SULT1B1: variants seen among roughly 807,000 people sequenced by gnomAD.
The protein encoded by SULT1B1 is sulfotransferase family 1B member 1.
Under a neutral mutation model 34.6 loss-of-function variants are expected in SULT1B1, and 28 were observed. That is an observed-to-expected ratio of 0.81 (90% CI 0.60 to 1.11). The LOEUF is 1.11. SULT1B1 is among the 50% of genes least tolerant of loss of function. The probability of loss-of-function intolerance (pLI) is 0.00; values close to 1 mark genes in which losing one functional copy is unlikely to be tolerated. For synonymous variants in SULT1B1, 147 were observed against 110.2 expected (o/e 1.33, Z -2.09); for missense variants, 374 against 352.2 (o/e 1.06, Z -0.50).
In SULT1B1 at chr4:69,726,078, ATAT is replaced by A. The variant is rs1717829043; in HGVS notation, c.*1007_*1009del. On this transcript the variant is annotated 3_prime_UTR_variant, in exon 8 of 8. Coordinates refer to ENST00000310613, the MANE Select transcript of SULT1B1 (RefSeq NM_014465.4). ...TATATATATATATATATATATATAT[ATAT>A]AAATGTTCCAAGAAAACATAGATCA... 1.7e-5 allele frequency: 2 copies of A among 117,074 alleles called. No homozygotes were observed. The allele number at this position is 117,074 out of a possible 1,614,324, so 7.3% of individuals were successfully genotyped here. A position where few individuals can be genotyped will look rare whatever the true frequency, so the allele number is the denominator to read the frequency against.
rs1365863680 is a variant in SULT1B1 at position 69,724,875 on chromosome 4, A to G, written c.*2213T>C. 6.6e-6 allele frequency: 1 copy of G among 152,210 alleles called. No individual in the cohort carries two copies. Among genetic ancestry groups the G allele is most frequent in the African/African-American group, 2.4e-5 (1 of 41,438 alleles). The allele number at this position is 152,210 out of a possible 1,614,324, so 9.4% of individuals were successfully genotyped here. Reference sequence around the variant, plus strand: ...CACCTTATACAAAAATTAATTCAAGATGGATTAAAGACTTAAATGTAAGAC... The same window carrying G: ...CACCTTATACAAAAATTAATTCAAGGTGGATTAAAGACTTAAATGTAAGAC... On this transcript the variant is annotated 3_prime_UTR_variant, in exon 8 of 8. Transcript: ENST00000310613.
chr4:69,757,981 T>C (rs1719254989), intron 1 of SULT1B1, among the ~76,000 whole-genome samples: 1 of 152,182 alleles, frequency 6.6e-6, no homozygotes, highest in Non-Finnish European at 1.5e-5. Context: ...GCTGAGTGAA[T>C]GGAGCATTTT....
intron 4 of SULT1B1, among the ~76,000 whole-genome samples, chr4:69,748,960 A>T (rs1303835455): frequency 6.6e-6 from 1 of 152,126 alleles, no homozygotes; most frequent in Non-Finnish European, 1.5e-5. Context: ...TAGAAAAAGA[A>T]GAGTAAAATA....
At chr4:69,751,343 T>C (rs1364429109) in intron 3 of SULT1B1, among the ~76,000 whole-genome samples, 1 of 152,254 alleles carries the variant, frequency 6.6e-6, no homozygotes, top group African/African-American at 2.4e-5. Context: ...TTCCCCTATT[T>C]TGCAATCATT....
intron 4 of SULT1B1, among the ~76,000 whole-genome samples, chr4:69,748,113 C>T (rs1191036276): frequency 6.6e-6 from 1 of 151,988 alleles, no homozygotes; most frequent in Non-Finnish European, 1.5e-5. Flanking sequence ...GAAAACAGAA[C>T]TTAGCTGTAT....
Position 69,755,104 on chromosome 4 carries a change from T to C in SULT1B1, c.114A>G (p.Pro38=), listed in dbSNP as rs529138089. The C allele has an allele frequency of 1.7e-5, 27 of 1,613,902 alleles. No homozygotes were observed. The African/African-American group carries it at 3.3e-4, about 20-fold the overall frequency. ...WEKIEQFHSR[P]DDIVIATYPK... ...GATAAGTGGCTATCACAATGTCATC[T>C]GGTCTGCTATGGAACTGTTCAATTT... The change falls in exon 2 of 8, where the codon CCA becomes CCG. Residue 38 remains proline (P), a synonymous_variant. Coordinates refer to ENST00000310613, the MANE Select transcript of SULT1B1 (RefSeq NM_014465.4).
chr4:69,730,638 T>C lies in SULT1B1; in HGVS notation c.641A>G (p.Lys214Arg), dbSNP rs899042866. 3 of 1,612,958 alleles carry C rather than the reference T, an allele frequency of 1.9e-6. No individual in the cohort carries two copies. The highest frequency in any genetic ancestry group is 2.2e-5 in the East Asian group (1 of 44,778). Residue 214 changes from lysine to arginine, a missense_variant, in exon 7 of 8, where the codon AAG becomes AGG. Physicochemically the swap from Lys to Arg is conservative, Grantham distance 26. Transcript: ENST00000310613. ...ATCCAAGATCTCATCATTCAGGTTC[T>C]TCTCTAGAAATCTAATGATCTTCTT... is the stretch of plus-strand genomic sequence containing the variant. ...EIKKIIRFLE[K>R]NLNDEILDRI...
intron 4 of SULT1B1, among the ~76,000 whole-genome samples, chr4:69,737,552 A>C (rs911622163): frequency 1.3e-5 from 2 of 152,190 alleles, no homozygotes; most frequent in African/African-American, 4.8e-5. Flanking sequence ...ACTTGGGACC[A>C]TTATGTTGAA....
At chr4:69,748,689 A>G (rs1217152939) in intron 4 of SULT1B1, among the ~76,000 whole-genome samples, 1 of 152,338 alleles carries the variant, frequency 6.6e-6, no homozygotes, top group South Asian at 2.1e-4. Context: ...ATAAAATTAG[A>G]AATCAATAAC....
intron 4 of SULT1B1, among the ~76,000 whole-genome samples, chr4:69,735,611 G>C (rs1718273406): frequency 6.6e-6 from 1 of 152,326 alleles, no homozygotes; most frequent in Non-Finnish European, 1.5e-5. Context: ...ACAAGAGTGG[G>C]AAGTCCAGGA....
intron 4 of SULT1B1, among the ~76,000 whole-genome samples, chr4:69,737,912 G>C (rs909733384): frequency 1.9e-4 from 29 of 152,040 alleles, no homozygotes; most frequent in African/African-American, 7.0e-4. Context: ...CAGATTTGTT[G>C]CATATTTGTG....
chr4:69,729,896 A>G (rs560553686), intron 7 of SULT1B1, among the ~76,000 whole-genome samples: 28 of 152,284 alleles, frequency 1.8e-4, no homozygotes, highest in African/African-American at 6.5e-4. Context: ...TATTATGTGT[A>G]ATAAGCCACA....
intron 4 of SULT1B1, among the ~76,000 whole-genome samples, chr4:69,734,855 G>A (rs1460269210): frequency 1.6e-5 from 2 of 126,770 alleles, no homozygotes; most frequent in Admixed American, 1.8e-4. Context: ...GAGACGCCCT[G>A]TCGCCCAGGC....
At chr4:69,745,988 T>G (rs1221865749) in intron 4 of SULT1B1, among the ~76,000 whole-genome samples, 1 of 152,222 alleles carries the variant, frequency 6.6e-6, no homozygotes. Context: ...GGATATGACA[T>G]TCTTGGTTGG....
rs183631290 is a variant in SULT1B1, at chr4:69,738,514, T to C, written c.376-4250A>G. On this transcript the variant is annotated intron_variant, in intron 4 of 7. Transcript: ENST00000310613. ...TCAGGTCTTCTGAGAACTCACTCAC[T>C]ATCATGAGAACATCATGGGGGAAAC... 9.6e-4 allele frequency among the ~76,000 whole-genome samples: 146 copies of C among 152,274 alleles called. 1 individual carries two copies. The highest frequency in any genetic ancestry group is 3.3e-3 in the African/African-American group (139 of 41,574).
chr4:69,723,827 C>T lies in SULT1B1; in HGVS notation c.*3261G>A, dbSNP rs1469067476. The T allele has an allele frequency of 6.6e-6, 1 of 152,176 alleles. No individual in the cohort carries two copies. Among genetic ancestry groups the T allele is most frequent in the Non-Finnish European group, 1.5e-5 (1 of 68,040 alleles). The allele number at this position is 152,176 out of a possible 1,614,324, so 9.4% of individuals were successfully genotyped here. ...AAGGCCTTTGACAAAATTCAACAGCCTTCATGCTAAAAACTCTCAATAAAT... is the reference window on the plus strand; with the variant it reads ...AAGGCCTTTGACAAAATTCAACAGCTTTCATGCTAAAAACTCTCAATAAAT... On this transcript the variant is annotated 3_prime_UTR_variant, in exon 8 of 8. Transcript: ENST00000310613.
At chr4:69,744,502 G>A (rs1428849376) in intron 4 of SULT1B1, among the ~76,000 whole-genome samples, 6 of 152,214 alleles carry the variant, frequency 3.9e-5, no homozygotes, top group Non-Finnish European at 8.8e-5. Context: ...TGCAGCCGAT[G>A]TGATGGCAGC....
chr4:69,751,061 AAATT>A (rs1217539020), intron 3 of SULT1B1, among the ~76,000 whole-genome samples: 1 of 152,242 alleles, frequency 6.6e-6, no homozygotes, highest in African/African-American at 2.4e-5. Flanking sequence ...TCTGAATTTG[AAATT>A]AATTAATTGT....
At chr4:69,760,164 A>T (rs1719338498) in intron 1 of SULT1B1, 1 of 908,796 alleles carries the variant, frequency 1.1e-6, no homozygotes, top group African/African-American at 1.8e-5. Context: ...GGGAGCAGAG[A>T]AACGAAAACT....
Sources: gnomAD v4.1 joint callset for allele counts (sites outside exome capture counted in the v4.1 genomes callset) on GRCh38, gnomAD v4.1.1 for gene constraint, MANE v1.5 for transcripts, NCBI Gene and HGNC (gene_info 2026-07-23, HGNC 2026-07-21) for gene names.